The following FSTL4 variants were observed in gnomAD, a reference collection of about 807,000 sequenced individuals.
FSTL4 encodes the protein follistatin like 4.
In FSTL4, 28 loss-of-function variants were observed where a neutral mutation model predicts 78.2. The observed-to-expected ratio is 0.36, with a 90% CI of 0.27 to 0.49. FSTL4 has a LOEUF of 0.49. FSTL4 is among the 20% of genes least tolerant of loss of function. The probability of loss-of-function intolerance (pLI) is 0.98; values close to 1 mark genes in which losing one functional copy is unlikely to be tolerated. For missense variants in FSTL4, 922 were observed against 1,084.9 expected, an observed-to-expected ratio of 0.85 and a Z score of 2.11; for synonymous variants, 422 against 440.5, an observed-to-expected ratio of 0.96 and a Z score of 0.53.
chr5:133,325,200 C>T (rs577426954), intron 4 of FSTL4, among the ~76,000 whole-genome samples: 2 of 152,314 alleles, frequency 1.3e-5, no homozygotes, highest in African/African-American at 4.8e-5. Flanking sequence ...GGTAAGGAGG[C>T]CTGTGGATGA....
At chr5:133,523,002 C>A (rs1209703248) in intron 3 of FSTL4, among the ~76,000 whole-genome samples, 1 of 151,944 alleles carries the variant, frequency 6.6e-6, no homozygotes, top group Non-Finnish European at 1.5e-5. Flanking sequence ...TCCCCCCTAC[C>A]CCACATTCAT....
Position 133,239,357 on chromosome 5 carries a change from G to A in FSTL4, c.895-5820C>T, listed in dbSNP as rs1011704979. ...GCTGAGGAGTGCGGGCGCACGGCACGGGACTGGCAGGCAGCTCCACCTGCA... is the reference window on the plus strand; with the variant it reads ...GCTGAGGAGTGCGGGCGCACGGCACAGGACTGGCAGGCAGCTCCACCTGCA... On this transcript the variant is annotated intron_variant, in intron 7 of 15. Transcript: ENST00000265342. Among the ~76,000 whole-genome samples, 26 of 152,290 alleles carry A rather than the reference G, an allele frequency of 1.7e-4. No homozygotes were observed. In the East Asian group the frequency reaches 3.3e-3, roughly 19 times the overall value.
chr5:133,591,159 C>A (rs530592392), intron 2 of FSTL4, among the ~76,000 whole-genome samples: 1 of 152,188 alleles, frequency 6.6e-6, no homozygotes, highest in South Asian at 2.1e-4. Flanking sequence ...GAGGCCAAGC[C>A]TGTTTTACAG....
chr5:133,401,449 AC>A (rs1756221869), intron 3 of FSTL4, among the ~76,000 whole-genome samples: 1 of 152,174 alleles, frequency 6.6e-6, no homozygotes, highest in Non-Finnish European at 1.5e-5. Context: ...AAAATCAATG[AC>A]TTTTTAAAAA....
chr5:133,542,729 G>A (rs1759501735), intron 3 of FSTL4, among the ~76,000 whole-genome samples: 1 of 152,036 alleles, frequency 6.6e-6, no homozygotes, highest in Admixed American at 6.5e-5. Context: ...AAATATATTG[G>A]TGAAATAAGA....
the FSTL4 span, among the ~76,000 whole-genome samples, chr5:133,818,477 G>A: frequency 6.6e-6 from 1 of 152,122 alleles, no homozygotes. Flanking sequence ...CTGTGTCACT[G>A]GGGAACTTAA....
the FSTL4 span, among the ~76,000 whole-genome samples, chr5:133,625,818 CAT>C: frequency 2.2e-3 from 5 of 2,244 alleles, 2 homozygotes; most frequent in Non-Finnish European, 4.2e-3. Context: ...ATATATATTC[CAT>C]ATATATATTC....
At chr5:133,615,446 C>T (rs1761182746), upstream of FSTL4, among the ~76,000 whole-genome samples, 2 of 152,194 alleles carry the variant, frequency 1.3e-5, no homozygotes, top group African/African-American at 4.8e-5. Flanking sequence ...GCTCAGTGAG[C>T]CTGGGAGAGT....
intron 4 of FSTL4, among the ~76,000 whole-genome samples, chr5:133,364,017 T>C (rs1755125641): frequency 1.3e-5 from 2 of 152,352 alleles, no homozygotes; most frequent in Non-Finnish European, 2.9e-5. Flanking sequence ...TTAGCCCACC[T>C]CTGGGCCCTG....
intron 3 of FSTL4, among the ~76,000 whole-genome samples, chr5:133,434,245 G>A (rs933385240): frequency 4.6e-5 from 7 of 152,148 alleles, no homozygotes; most frequent in African/African-American, 1.7e-4. Context: ...TGGTTTGATG[G>A]ATTAGATGAG....
intron 3 of FSTL4, among the ~76,000 whole-genome samples, chr5:133,544,465 T>C (rs1053022573): frequency 1.3e-5 from 2 of 152,242 alleles, no homozygotes; most frequent in Non-Finnish European, 2.9e-5. Flanking sequence ...ACTGTACAGC[T>C]GGACTAGAAC....
At chr5:133,205,315 G>A (rs9327647) in intron 14 of FSTL4, among the ~76,000 whole-genome samples, 43,534 of 151,890 alleles carry the variant, frequency 0.29, 6,606 homozygotes, top group East Asian at 0.43. Context: ...GTGAACCATC[G>A]TTGCATCCTG....
At chr5:133,755,037 T>TC in the FSTL4 span, among the ~76,000 whole-genome samples, 1 of 152,004 alleles carries the variant, frequency 6.6e-6, no homozygotes, top group Non-Finnish European at 1.5e-5. Flanking sequence ...ATGGCCTCCA[T>TC]CCCCCTGCAA....
the FSTL4 span, among the ~76,000 whole-genome samples, chr5:133,687,946 A>G: frequency 1.3e-5 from 2 of 152,126 alleles, no homozygotes; most frequent in African/African-American, 4.8e-5. Context: ...CACCCCCACT[A>G]TGTTTGCATT....
chr5:133,558,456 C>A (rs375717009), intron 3 of FSTL4, among the ~76,000 whole-genome samples: 1 of 152,060 alleles, frequency 6.6e-6, no homozygotes, highest in African/African-American at 2.4e-5. Flanking sequence ...GCACTGACTG[C>A]GCTCAGACCC....
the FSTL4 span, among the ~76,000 whole-genome samples, chr5:133,646,670 A>C: frequency 6.6e-6 from 1 of 152,084 alleles, no homozygotes; most frequent in African/African-American, 2.4e-5. Flanking sequence ...TAGTTTGGAG[A>C]TAGAACTGTC....
intron 4 of FSTL4, among the ~76,000 whole-genome samples, chr5:133,382,843 C>G (rs1175509320): frequency 6.6e-6 from 1 of 151,804 alleles, no homozygotes; most frequent in Non-Finnish European, 1.5e-5. Flanking sequence ...TCAGACCTCA[C>G]AGGGAGGGCA....
At chr5:133,271,601 C>T (rs777990667) in intron 6 of FSTL4, among the ~76,000 whole-genome samples, 5 of 152,154 alleles carry the variant, frequency 3.3e-5, no homozygotes, top group Non-Finnish European at 7.3e-5. Context: ...AATGAGATAC[C>T]AAGTCCCTTC....
At chr5:133,393,784 CTGATGTCCAGAAGCT>C (rs1421186915) in intron 4 of FSTL4, among the ~76,000 whole-genome samples, 6 of 152,226 alleles carry the variant, frequency 3.9e-5, no homozygotes, top group Admixed American at 3.9e-4. Context: ...GTCTAGTTTC[CTGATGTCCAGAAGCT>C]CTGTGAGTTT....
Sources: gnomAD v4.1 joint callset for allele counts (sites outside exome capture counted in the v4.1 genomes callset) on GRCh38, gnomAD v4.1.1 for gene constraint, MANE v1.5 for transcripts, NCBI Gene and HGNC (gene_info 2026-07-23, HGNC 2026-07-21) for gene names.